ADPRS: variants seen among roughly 807,000 people sequenced by gnomAD.
ADPRS encodes ADP-ribosylserine hydrolase, also known as ADP-ribosylhydrolase ARH3.
In ADPRS, 25 loss-of-function variants were observed where a neutral mutation model predicts 32.1. The observed-to-expected ratio is 0.78, with a 90% CI of 0.57 to 1.09. ADPRS has a LOEUF of 1.09. Ranked by LOEUF, ADPRS falls within the 50% of genes least tolerant of loss-of-function variation. The probability of loss-of-function intolerance (pLI) is 0.00; values close to 1 mark genes in which losing one functional copy is unlikely to be tolerated. For synonymous variants in ADPRS, 225 were observed against 201.0 expected (o/e 1.12, Z -1.01); for missense variants, 482 against 480.6 (o/e 1.00, Z -0.03).
intron 1 of ADPRS, among the ~76,000 whole-genome samples, chr1:36,090,910 CCTATAATCCCA>C (rs1235316579): frequency 2.0e-5 from 3 of 152,138 alleles, no homozygotes; most frequent in Non-Finnish European, 4.4e-5. Context: ...GTGGCTCAGG[CCTATAATCCCA>C]GCTCTTTGGG....
At chr1:36,090,679 C>CAAAAAAAAA (rs10625386) in intron 1 of ADPRS, among the ~76,000 whole-genome samples, 3 of 65,356 alleles carry the variant, frequency 4.6e-5, no homozygotes, top group East Asian at 4.6e-4. Context: ...TCCATCTCTA[C>CAAAAAAAAA]AAAAAAAAAA....
chr1:36,089,242 G>A (rs1480339284), intron 1 of ADPRS, 127 bp downstream of exon 1: 2 of 1,110,342 alleles, frequency 1.8e-6, no homozygotes, highest in Non-Finnish European at 2.4e-6. Flanking sequence ...GCCAGAGCCG[G>A]ATGACCCGCA....
chr1:36,092,985 G>A, intron 5 of ADPRS, 112 bp from the exon 6 acceptor site: 2 of 1,176,852 alleles, frequency 1.7e-6, no homozygotes, highest in Non-Finnish European at 2.4e-6. Flanking sequence ...TGGTCTAACT[G>A]TAGAGCCTGA....
chr1:36,090,163 C>CT, intron 1 of ADPRS, among the ~76,000 whole-genome samples: 1 of 152,244 alleles, frequency 6.6e-6, no homozygotes, highest in African/African-American at 2.4e-5. Flanking sequence ...GATCCAGAAA[C>CT]TATCATTTTC....
intron 5 of ADPRS, 73 bp from the exon 6 acceptor site, chr1:36,093,024 A>G: frequency 6.6e-7 from 1 of 1,507,228 alleles, no homozygotes; most frequent in Non-Finnish European, 9.0e-7. Context: ...CTTGAAGCCG[A>G]GAGTGCTGAC....
chr1:36,089,833 G>T (rs1025286902), intron 1 of ADPRS, among the ~76,000 whole-genome samples: 8 of 152,194 alleles, frequency 5.3e-5, no homozygotes, highest in African/African-American at 1.9e-4. Context: ...GCGTTTGCAT[G>T]CGCTGTCTCG....
At chr1:36,092,119 G>C (rs751373162) in intron 4 of ADPRS, 25 bp downstream of exon 4, 1 of 1,579,528 alleles carries the variant, frequency 6.3e-7, no homozygotes, top group Non-Finnish European at 8.6e-7. Context: ...GGAGGTGTGT[G>C]GTGTGGGTAT....
At chr1:36,090,058 G>C (rs1047260971) in intron 1 of ADPRS, among the ~76,000 whole-genome samples, 9 of 152,202 alleles carry the variant, frequency 5.9e-5, no homozygotes, top group African/African-American at 2.2e-4. Context: ...GGAGAAGCAG[G>C]AGTGGCTATC....
chr1:36,092,392 G>C, intron 4 of ADPRS, 30 bp from the exon 5 acceptor site: 1 of 1,609,020 alleles, frequency 6.2e-7, no homozygotes, highest in Non-Finnish European at 8.5e-7. Flanking sequence ...TGCTAGCTCT[G>C]ACCTCCCTGA....
At chr1:36,089,870 G>A (rs1387255086) in intron 1 of ADPRS, among the ~76,000 whole-genome samples, 1 of 152,058 alleles carries the variant, frequency 6.6e-6, no homozygotes, top group Non-Finnish European at 1.5e-5. Flanking sequence ...CCCTTCCCTT[G>A]TGGGCTCAGA....
In ADPRS at chr1:36,092,492, G is replaced by C. The variant is rs759566942; in HGVS notation, c.772G>C (p.Val258Leu). The part of the protein sequence containing the change: ...KIGELLDQAS[V>L]TREEVVSELG... ...TGGAGAGCTTCTAGACCAGGCATCG[G>C]TGACCAGGGAGGAAGTGGTGTCTGA... The change falls in exon 5 of 6, where the codon GTG (valine) becomes CTG (leucine). Residue 258 changes from valine to leucine, a missense_variant. Coordinates refer to ENST00000373178, the MANE Select transcript of ADPRS (RefSeq NM_017825.3). 6.2e-7 allele frequency: 1 copy of C among 1,614,198 alleles called. No individual in the cohort carries two copies. The highest frequency in any genetic ancestry group is 8.5e-7 in the Non-Finnish European group (1 of 1,180,028).
intron 5 of ADPRS, 100 bp downstream of exon 5, chr1:36,092,622 C>G (rs1255396450): frequency 9.1e-7 from 1 of 1,104,328 alleles, no homozygotes; most frequent in Admixed American, 2.0e-5. Flanking sequence ...CGCATTGTAC[C>G]CTGGGCTGCT....
chr1:36,092,601 A>G (rs1458995585), intron 5 of ADPRS, 79 bp downstream of exon 5: 14 of 1,356,188 alleles, frequency 1.0e-5, no homozygotes, highest in Non-Finnish European at 1.5e-5. Context: ...GCATGGAGTC[A>G]TGCCTGCCGT....
Position 36,088,895 on chromosome 1 carries a change from C to T in ADPRS, c.-10C>T. The T allele has an allele frequency of 2.6e-6, 4 of 1,525,550 alleles. No homozygotes were observed. The highest frequency in any genetic ancestry group is 2.5e-5 in the East Asian group (1 of 39,518). The allele number at this position is 1,525,550 out of a possible 1,614,324, so 94.5% of individuals were successfully genotyped here. A position where few individuals can be genotyped will look rare whatever the true frequency, so the allele number is the denominator to read the frequency against. ...GGCGGCACCGGAAGTGGCGAGCAGT[C>T]TGCGCGCGGATGGCCGCAGCGGCGA... On this transcript the variant is annotated 5_prime_UTR_variant, in exon 1 of 6. Coordinates refer to ENST00000373178, the MANE Select transcript of ADPRS (RefSeq NM_017825.3).
chr1:36,088,910 C>CGCAGCGGCGATGGCG lies in ADPRS; in HGVS notation c.15_29dup (p.Met6_Ala10dup), dbSNP rs748995403. On this transcript the variant is annotated inframe_insertion, in exon 1 of 6. Coordinates refer to ENST00000373178, the MANE Select transcript of ADPRS (RefSeq NM_017825.3). Reference sequence around the variant, plus strand: ...GGCGAGCAGTCTGCGCGCGGATGGCCGCAGCGGCGATGGCGGCAGCGGCAG... The same window carrying CGCAGCGGCGATGGCG: ...GGCGAGCAGTCTGCGCGCGGATGGCCGCAGCGGCGATGGCGGCAGCGGCGATGGCGGCAGCGGCAG... 25 of 1,524,930 alleles carry CGCAGCGGCGATGGCG rather than the reference C, an allele frequency of 1.6e-5. No homozygotes were observed. Among genetic ancestry groups the CGCAGCGGCGATGGCG allele is most frequent in the East Asian group, 1.0e-4 (4 of 38,966 alleles). The allele number at this position is 1,524,930 out of a possible 1,614,324, so 94.5% of individuals were successfully genotyped here.
chr1:36,089,149 C>G (rs759072063), intron 1 of ADPRS, 34 bp downstream of exon 1: 7 of 1,383,930 alleles, frequency 5.1e-6, no homozygotes, highest in African/African-American at 4.6e-5. Flanking sequence ...AGAGGCCGTG[C>G]GGGAGGGAGG....
rs767999 is a variant in ADPRS, at chr1:36,091,156, G to T, written c.212-88G>T. ...TGCACTCCAGTCTGGGCAACAGAGC[G>T]AGACTCTGTCTCCAAAAAAAGCAAA... On this transcript the variant is annotated intron_variant, in intron 1 of 5. Coordinates refer to ENST00000373178, the MANE Select transcript of ADPRS (RefSeq NM_017825.3). The T allele has an allele frequency of 0.013, 14,015 of 1,052,310 alleles. 977 individuals carry two copies. The East Asian group carries it at 0.2, about 15-fold the overall frequency. The allele number at this position is 1,052,310 out of a possible 1,614,324, so 65.2% of individuals were successfully genotyped here. A position where few individuals can be genotyped will look rare whatever the true frequency, so the allele number is the denominator to read the frequency against.
Position 36,093,163 on chromosome 1 carries a change from C to T in ADPRS, c.869C>T (p.Pro290Leu), listed in dbSNP as rs375995036. ...AIYCFLRCMEPDPEIPSAFNS... is the reference protein window; with the variant it reads ...AIYCFLRCMELDPEIPSAFNS... ...TACTGCTTCCTACGCTGCATGGAGC[C>T]AGACCCTGAGATCCCTTCTGCCTTC... The change falls in exon 6 of 6, where the codon CCA becomes CTA. Residue 290 changes from proline (P) to leucine (L), a missense_variant. By Grantham distance (98) the Pro-to-Leu change is moderately conservative. Coordinates refer to ENST00000373178, the MANE Select transcript of ADPRS (RefSeq NM_017825.3). 1 of 1,614,224 alleles carries T rather than the reference C, an allele frequency of 6.2e-7. No homozygotes were observed. Among genetic ancestry groups the T allele is most frequent in the African/African-American group, 1.3e-5 (1 of 75,084 alleles).
At position 36,092,018 on chromosome 1, in the gene ADPRS, G is replaced by A. The variant is rs2236387; in HGVS notation, c.625G>A (p.Glu209Lys). 0.039 allele frequency: 62,403 copies of A among 1,613,848 alleles called. 7,426 individuals are homozygous for A. Among genetic ancestry groups the A allele is most frequent in the East Asian group, 0.33 (14,686 of 44,868 alleles). ...HLALQGESSSEHFLKQLLGHM... is the reference protein window; with the variant it reads ...HLALQGESSSKHFLKQLLGHM... ...GGCCTTGCAGGGCGAGTCTTCCAGC[G>A]AGCACTTTCTCAAGCAACTCCTGGG... is the stretch of plus-strand genomic sequence containing the variant. Residue 209 changes from glutamate to lysine, a missense_variant, in exon 4 of 6, where the codon GAG becomes AAG. Glu to Lys is a moderately conservative substitution (Grantham distance 56). Coordinates refer to ENST00000373178, the MANE Select transcript of ADPRS (RefSeq NM_017825.3).
Sources: allele counts gnomAD v4.1 joint callset (sites outside exome capture counted in the v4.1 genomes callset), GRCh38; gene constraint gnomAD v4.1.1; transcripts MANE v1.5; gene names NCBI Gene and HGNC (gene_info 2026-07-23, HGNC 2026-07-21).